The following PCDH8 variants were observed in gnomAD, a reference collection of about 807,000 sequenced individuals.
PCDH8 encodes protocadherin 8.
Under a neutral mutation model 58.2 loss-of-function variants are expected in PCDH8, and 36 were observed. The observed-to-expected ratio is 0.62, with a 90% CI of 0.47 to 0.82. PCDH8 has a LOEUF of 0.82. Among genes scored for constraint, PCDH8 ranks in the 40% least tolerant of loss-of-function variants. The pLI is 0.00. For missense variants in PCDH8, 1,493 were observed against 1,567.8 expected (o/e 0.95, Z 0.81); for synonymous variants, 775 against 728.9 (o/e 1.06, Z -1.02).
chr13:52,844,536 T>C lies in PCDH8; in HGVS notation c.*24A>G. Reference sequence around the variant, plus strand: ...GGGGCTTCTCGGAGTGACCTGTATATGTGTGAAGACATGCAGCATGGGATT... The same window carrying C: ...GGGGCTTCTCGGAGTGACCTGTATACGTGTGAAGACATGCAGCATGGGATT... On this transcript the variant is annotated 3_prime_UTR_variant, in exon 3 of 3. Coordinates refer to ENST00000377942, the MANE Select transcript of PCDH8 (RefSeq NM_002590.4). 1 of 1,549,454 alleles carries C rather than the reference T, an allele frequency of 6.5e-7. No homozygotes were observed. The highest frequency in any genetic ancestry group is 8.7e-7 in the Non-Finnish European group (1 of 1,146,760).
Position 52,847,611 on chromosome 13 carries a change from C to G in PCDH8, c.826G>C (p.Gly276Arg), listed in dbSNP as rs1392912213. The change falls in exon 1 of 3, where the codon GGA becomes CGA. Residue 276 changes from glycine (G) to arginine (R), a missense_variant. By Grantham distance (125) the Gly-to-Arg change is moderately radical. Around this residue, in one of 3 missense-constraint regions of PCDH8, gnomAD observed 1,307 missense variants for 1,362.7 expected, o/e 0.96. Coordinates refer to ENST00000377942, the MANE Select transcript of PCDH8 (RefSeq NM_002590.4). ...LDLDAADPDE[G>R]PNGDVVFAFG... ...GCGAACACCACGTCGCCGTTAGGTC[C>G]CTCGTCGGGGTCGGCTGCGTCCAGG... 1 of 1,573,638 alleles carries G rather than the reference C, an allele frequency of 6.4e-7. No homozygotes were observed. The highest frequency in any genetic ancestry group is 8.6e-7 in the Non-Finnish European group (1 of 1,168,318).
Position 52,847,069 on chromosome 13 carries a change from G to C in PCDH8, c.1368C>G (p.Asp456Glu). 1 of 1,559,812 alleles carries C rather than the reference G, an allele frequency of 6.4e-7. No homozygotes were observed. The highest frequency in any genetic ancestry group is 8.6e-7 in the Non-Finnish European group (1 of 1,157,060). Residue 456 changes from aspartate (D) to glutamate (E), a missense_variant, in exon 1 of 3, where the codon GAC becomes GAG. Asp to Glu is a conservative substitution (Grantham distance 45). Around this residue, in one of 3 missense-constraint regions of PCDH8, gnomAD observed 1,307 missense variants for 1,362.7 expected, o/e 0.96. Transcript: ENST00000377942. ...SYLVVTAASL[D>E]RERIAEYNLT... ...AGTTGTACTCGGCGATGCGTTCGCG[G>C]TCCAGCGACGCCGCGGTCACCACCA...
Position 52,845,504 on chromosome 13 carries a change from C to T in PCDH8, c.2760G>A (p.Gly920=). ...AATCGCTGTCGTTGAAATCACTGTCCCCTTTACCGCTGTCTTTGCCGCTGA... is the reference window on the plus strand; with the variant it reads ...AATCGCTGTCGTTGAAATCACTGTCTCCTTTACCGCTGTCTTTGCCGCTGA... The part of the protein sequence containing the change: ...EKFSGKDSGK[G]DSDFNDSDSD... The change falls in exon 2 of 3, where the codon GGG becomes GGA. Residue 920 remains glycine (G), a synonymous_variant. Transcript: ENST00000377942. The T allele has an allele frequency of 1.2e-6, 2 of 1,614,156 alleles. No homozygotes were observed. Among genetic ancestry groups the T allele is most frequent in the Non-Finnish European group, 8.5e-7 (1 of 1,180,032 alleles).
At position 52,846,087 on chromosome 13, in the gene PCDH8, CT is replaced by C; in HGVS notation, c.2349del (p.Ala786ProfsTer151). 1 of 1,574,070 alleles carries C rather than the reference CT, an allele frequency of 6.4e-7. No homozygotes were observed. ...TCNRRKKEVR[K>X]GGALREERPG... ...GGCCGCTCTTCCCGGAGGGCCCCCC[CT>C]TTGCGCACCTCCTTCTTGCGGCGGT... On this transcript the variant is annotated frameshift_variant, in exon 1 of 3. Transcript: ENST00000377942. LOFTEE classifies it high-confidence loss of function.
chr13:52,847,810 G>T lies in PCDH8; in HGVS notation c.627C>A (p.Ala209=). The change falls in exon 1 of 3, where the codon GCC becomes GCA. Residue 209 remains alanine (A), a synonymous_variant. Coordinates refer to ENST00000377942, the MANE Select transcript of PCDH8 (RefSeq NM_002590.4). ...GGGCCACCAGCTCCAGGCTGTAGGC[G>T]GCCTGGCTCTCGCGGTCCAGCTCCT... is the stretch of plus-strand genomic sequence containing the variant. ...LLQELDRESQ[A]AYSLELVAQD... is the part of the protein sequence containing the mutation. The T allele has an allele frequency of 6.7e-7, 1 of 1,484,832 alleles. No individual in the cohort carries two copies. The highest frequency in any genetic ancestry group is 8.9e-7 in the Non-Finnish European group (1 of 1,125,372). 92.0% of individuals were successfully genotyped at this position (1,484,832 alleles called of 1,614,324 possible). A position where few individuals can be genotyped will look rare whatever the true frequency, so the allele number is the denominator to read the frequency against.
chr13:52,844,848 A>T lies in PCDH8; in HGVS notation c.2925T>A (p.His975Gln). 6.2e-7 allele frequency: 1 copy of T among 1,607,732 alleles called. No individual in the cohort carries two copies. The highest frequency in any genetic ancestry group is 8.5e-7 in the Non-Finnish European group (1 of 1,176,678). ...WSPSCSGPNAHPSPHPPAQMS... is the reference protein window; with the variant it reads ...WSPSCSGPNAQPSPHPPAQMS... ...TCTGGGCTGGTGGGTGAGGCGATGGATGTGCGTTGGGCCCGCTGCAGGATG... is the reference window on the plus strand; with the variant it reads ...TCTGGGCTGGTGGGTGAGGCGATGGTTGTGCGTTGGGCCCGCTGCAGGATG... The change falls in exon 3 of 3, where the codon CAT becomes CAA. Residue 975 changes from histidine (H) to glutamine (Q), a missense_variant. This residue lies in a region of PCDH8 where 182 missense variants were observed against 178.9 expected (regional missense o/e 1.02). Coordinates refer to ENST00000377942, the MANE Select transcript of PCDH8 (RefSeq NM_002590.4).
In PCDH8 at chr13:52,847,769, G is replaced by A; in HGVS notation, c.668C>T (p.Pro223Leu). ...GAGGGCAGCCGTGGCGGAGCGCGGC[G>A]GGCGGCCGCCGTCCTGGGCCACCAG... ...LELVAQDGGRPPRSATAALSV... is the reference protein window; with the variant it reads ...LELVAQDGGRLPRSATAALSV... The change falls in exon 1 of 3, where the codon CCG becomes CTG. Residue 223 changes from proline to leucine, a missense_variant. Around this residue, in one of 3 missense-constraint regions of PCDH8, gnomAD observed 1,307 missense variants for 1,362.7 expected, o/e 0.96. Coordinates refer to ENST00000377942, the MANE Select transcript of PCDH8 (RefSeq NM_002590.4). The A allele has an allele frequency of 1.4e-6, 2 of 1,459,336 alleles. No homozygotes were observed. The highest frequency in any genetic ancestry group is 2.6e-5 in the East Asian group (1 of 37,928). 90.4% of individuals were successfully genotyped at this position (1,459,336 alleles called of 1,614,324 possible).
At position 52,848,520 on chromosome 13, in the gene PCDH8, T is replaced by G. The variant is rs1429684731; in HGVS notation, c.-84A>C. ...GGGCGTCAGTCTCAGGCTCTCGGAATCACGCTCTTTGCGAGCCCTGTGCGG... is the reference window on the plus strand; with the variant it reads ...GGGCGTCAGTCTCAGGCTCTCGGAAGCACGCTCTTTGCGAGCCCTGTGCGG... On this transcript the variant is annotated 5_prime_UTR_variant, in exon 1 of 3. Coordinates refer to ENST00000377942, the MANE Select transcript of PCDH8 (RefSeq NM_002590.4). The G allele has an allele frequency of 6.8e-7, 1 of 1,477,302 alleles. No individual in the cohort carries two copies. The highest frequency in any genetic ancestry group is 2.4e-5 in the Admixed American group (1 of 41,092). The allele number at this position is 1,477,302 out of a possible 1,614,324, so 91.5% of individuals were successfully genotyped here.
In PCDH8 at chr13:52,847,644, G is replaced by T. The variant is rs772844012; in HGVS notation, c.793C>A (p.Leu265Ile). The T allele has an allele frequency of 1.3e-6, 2 of 1,574,920 alleles. No homozygotes were observed. Among genetic ancestry groups the T allele is most frequent in the Non-Finnish European group, 8.6e-7 (1 of 1,169,576 alleles). Residue 265 changes from leucine to isoleucine, a missense_variant, in exon 1 of 3, where the codon CTT becomes ATT. Leu to Ile is a conservative substitution (Grantham distance 5). Around this residue, in one of 3 missense-constraint regions of PCDH8, gnomAD observed 1,307 missense variants for 1,362.7 expected, o/e 0.96. Coordinates refer to ENST00000377942, the MANE Select transcript of PCDH8 (RefSeq NM_002590.4). Reference protein sequence around the residue: ...LAEDAPVGSLLLDLDAADPDE... With the variant: ...LAEDAPVGSLILDLDAADPDE... ...GGGTCGGCTGCGTCCAGGTCGAGAAGCAGGGAGCCCACGGGCGCGTCTTCC... is the reference window on the plus strand; with the variant it reads ...GGGTCGGCTGCGTCCAGGTCGAGAATCAGGGAGCCCACGGGCGCGTCTTCC...
rs770534545 is a variant in PCDH8 at position 52,847,927 on chromosome 13, C to G, written c.510G>C (p.Gln170His). Residue 170 changes from glutamine to histidine, a missense_variant, in exon 1 of 3, where the codon CAG becomes CAC. Around this residue, in one of 3 missense-constraint regions of PCDH8, gnomAD observed 1,307 missense variants for 1,362.7 expected, o/e 0.96. Coordinates refer to ENST00000377942, the MANE Select transcript of PCDH8 (RefSeq NM_002590.4). ...TGTGCGGCTCGGCCAGGCGCACGGT[C>G]TGCAGCCCGTTGGCGCCCACGTCCT... is the stretch of plus-strand genomic sequence containing the variant. The part of the protein sequence containing the change: ...VDEDVGANGL[Q>H]TVRLAEPHSP... The G allele has an allele frequency of 5.6e-6, 9 of 1,602,826 alleles. No homozygotes were observed. The South Asian group carries it at 7.8e-5, about 14-fold the overall frequency.
chr13:52,844,855 T>C lies in PCDH8; in HGVS notation c.2918A>G (p.Asn973Ser). 6.2e-7 allele frequency: 1 copy of C among 1,601,788 alleles called. No homozygotes were observed. The change falls in exon 3 of 3, where the codon AAC (asparagine) becomes AGC (serine). Residue 973 changes from asparagine to serine, a missense_variant. By Grantham distance (46) the Asn-to-Ser change is conservative. Transcript: ENST00000377942. ...TGGTGGGTGAGGCGATGGATGTGCG[T>C]TGGGCCCGCTGCAGGATGGGCTCCA... ...RCWSPSCSGP[N>S]AHPSPHPPAQ...
Position 52,846,322 on chromosome 13 carries a change from A to C in PCDH8, c.2115T>G (p.Thr705=). ...GGRPPLTTTA[T]VSFVVTAGGG... is the part of the protein sequence containing the mutation. ...CCCCTGCTGTTACCACGAAGCTGAC[A>C]GTTGCGGTGGTGGTGAGCGGGGGAC... is the stretch of plus-strand genomic sequence containing the variant. The change falls in exon 1 of 3, where the codon ACT becomes ACG. Residue 705 remains threonine, a synonymous_variant. Coordinates refer to ENST00000377942, the MANE Select transcript of PCDH8 (RefSeq NM_002590.4). 6.4e-7 allele frequency: 1 copy of C among 1,569,974 alleles called. No homozygotes were observed. Among genetic ancestry groups the C allele is most frequent in the Non-Finnish European group, 8.6e-7 (1 of 1,159,636 alleles).
At chr13:52,845,780 G>T in intron 1 of PCDH8, 26 bp downstream of exon 1, 1 of 1,496,716 alleles carries the variant, frequency 6.7e-7, no homozygotes, top group Non-Finnish European at 8.8e-7. Context: ...CTCGGAGGGG[G>T]GCGCCCAGCC....
rs1965781805 is a variant in PCDH8, at chr13:52,848,557, G to A, written c.-121C>T. ...CGAGCCCTGTGCGGGAGAAGTCTGC[G>A]GGTAGCAGCTCCGAGCCTCCAGCGG... On this transcript the variant is annotated 5_prime_UTR_variant, in exon 1 of 3. Transcript: ENST00000377942. 1.4e-6 allele frequency: 2 copies of A among 1,432,708 alleles called. No homozygotes were observed. The highest frequency in any genetic ancestry group is 1.8e-6 in the Non-Finnish European group (2 of 1,096,346). 88.7% of individuals were successfully genotyped at this position (1,432,708 alleles called of 1,614,324 possible). A position where few individuals can be genotyped will look rare whatever the true frequency, so the allele number is the denominator to read the frequency against.
chr13:52,847,944 C>G lies in PCDH8; in HGVS notation c.493G>C (p.Gly165Arg). 6.2e-7 allele frequency: 1 copy of G among 1,608,804 alleles called. No individual in the cohort carries two copies. Among genetic ancestry groups the G allele is most frequent in the East Asian group, 2.2e-5 (1 of 44,702 alleles). The change falls in exon 1 of 3, where the codon GGC becomes CGC. Residue 165 changes from glycine (G) to arginine (R), a missense_variant. Gly to Arg is a moderately radical substitution (Grantham distance 125, BLOSUM62 -2). This residue lies in a region of PCDH8 where 1,307 missense variants were observed against 1,362.7 expected (regional missense o/e 0.96). Transcript: ENST00000377942. ...PLEVPVDEDV[G>R]ANGLQTVRLA... The stretch of plus-strand genomic sequence containing the variant: ...CGCACGGTCTGCAGCCCGTTGGCGC[C>G]CACGTCCTCGTCCACCGGCACCTCC...
In PCDH8 at chr13:52,848,076, C is replaced by T. The variant is rs756659737; in HGVS notation, c.361G>A (p.Val121Met). The T allele has an allele frequency of 1.9e-6, 3 of 1,612,704 alleles. No individual in the cohort carries two copies. The highest frequency in any genetic ancestry group is 2.5e-6 in the Non-Finnish European group (3 of 1,179,766). ...TTGACGTCCCTCACCTCTACCTCCA[C>T]GTGCACCAGCCGGAACTGCTCCTGC... ...FSQEQFRLVHVEVEVRDVNDH... is the reference protein window; with the variant it reads ...FSQEQFRLVHMEVEVRDVNDH... The change falls in exon 1 of 3, where the codon GTG becomes ATG. Residue 121 changes from valine (V) to methionine (M), a missense_variant. This residue lies in a region of PCDH8 where 1,307 missense variants were observed against 1,362.7 expected (regional missense o/e 0.96). Transcript: ENST00000377942.
At position 52,847,114 on chromosome 13, in the gene PCDH8, C is replaced by A; in HGVS notation, c.1323G>T (p.Pro441=). 1 of 1,552,220 alleles carries A rather than the reference C, an allele frequency of 6.4e-7. No individual in the cohort carries two copies. Residue 441 remains proline, a synonymous_variant, in exon 1 of 3, where the codon CCG becomes CCT. Transcript: ENST00000377942. ...LYGHEHFRLQ[P]AYAGSYLVVT... ...CCACCAGGTAGCTGCCCGCGTAGGCCGGCTGCAGCCGGAAGTGCTCGTGCC... is the reference window on the plus strand; with the variant it reads ...CCACCAGGTAGCTGCCCGCGTAGGCAGGCTGCAGCCGGAAGTGCTCGTGCC...
In PCDH8 at chr13:52,847,109, T is replaced by C; in HGVS notation, c.1328A>G (p.Tyr443Cys). 1 of 1,557,852 alleles carries C rather than the reference T, an allele frequency of 6.4e-7. No individual in the cohort carries two copies. The highest frequency in any genetic ancestry group is 8.6e-7 in the Non-Finnish European group (1 of 1,158,614). Residue 443 changes from tyrosine to cysteine, a missense_variant, in exon 1 of 3, where the codon TAC becomes TGC. Coordinates refer to ENST00000377942, the MANE Select transcript of PCDH8 (RefSeq NM_002590.4). ...GHEHFRLQPA[Y>C]AGSYLVVTAA... ...GGTCACCACCAGGTAGCTGCCCGCG[T>C]AGGCCGGCTGCAGCCGGAAGTGCTC...
In PCDH8 at chr13:52,844,916, C is replaced by T. The variant is rs762942607; in HGVS notation, c.2857G>A (p.Ala953Thr). ...GAGTGGCCCAGGATCTTACACTCAG[C>T]GGTGCACGCCCACAGTCCTAATACG... is the stretch of plus-strand genomic sequence containing the variant. Reference protein sequence around the residue: ...HMQSGLWACTAECKILGHSDR... With the variant: ...HMQSGLWACTTECKILGHSDR... Residue 953 changes from alanine (A) to threonine (T), a missense_variant, in exon 3 of 3, where the codon GCT becomes ACT. Around this residue, in one of 3 missense-constraint regions of PCDH8, gnomAD observed 182 missense variants for 178.9 expected, o/e 1.02. Coordinates refer to ENST00000377942, the MANE Select transcript of PCDH8 (RefSeq NM_002590.4). 1 of 1,528,808 alleles carries T rather than the reference C, an allele frequency of 6.5e-7. No homozygotes were observed. Among genetic ancestry groups the T allele is most frequent in the Non-Finnish European group, 8.8e-7 (1 of 1,138,154 alleles). The allele number at this position is 1,528,808 out of a possible 1,614,324, so 94.7% of individuals were successfully genotyped here. A position where few individuals can be genotyped will look rare whatever the true frequency, so the allele number is the denominator to read the frequency against.
Sources: gnomAD v4.1 joint callset for allele counts on GRCh38, gnomAD v4.1.1 for gene constraint, gnomAD v4.1.1 regional missense constraint, MANE v1.5 for transcripts, NCBI Gene and HGNC (gene_info 2026-07-23, HGNC 2026-07-21) for gene names.